The following PPFIA1 variants were observed in gnomAD, a reference collection of about 807,000 sequenced individuals.
PPFIA1 encodes liprin-alpha-1.
A neutral mutation model predicts 149.9 loss-of-function variants in PPFIA1; 25 were observed. That is an observed-to-expected ratio of 0.17 (90% CI 0.12 to 0.23). PPFIA1 has a LOEUF of 0.23. PPFIA1 is among the 10% of genes least tolerant of loss of function. PPFIA1 has a pLI of 1.00. For synonymous variants in PPFIA1, 549 were observed against 552.8 expected (o/e 0.99, Z 0.10); for missense variants, 1,362 against 1,506.5 (o/e 0.90, Z 1.59).
chr11:70,350,683 T>C (rs2137265895), intron 16 of PPFIA1, among the ~76,000 whole-genome samples: 2 of 152,332 alleles, frequency 1.3e-5, no homozygotes, highest in East Asian at 1.9e-4. Context: ...AACTAAGTTA[T>C]AGAGAGGTTT....
chr11:70,325,075 G>A (rs1448541012), intron 4 of PPFIA1, 64 bp downstream of exon 4: 1 of 1,438,160 alleles, frequency 7.0e-7, no homozygotes, highest in Admixed American at 2.6e-5. Context: ...CTTCACAAGT[G>A]TTGGTGTAAC....
At chr11:70,305,073 GAC>G (rs2136413394) in intron 2 of PPFIA1, among the ~76,000 whole-genome samples, 1 of 152,304 alleles carries the variant, frequency 6.6e-6, no homozygotes, top group South Asian at 2.1e-4. Flanking sequence ...GTTTGTGAGT[GAC>G]AGAGTGGCAG....
chr11:70,328,996 A>G (rs1365925274), intron 7 of PPFIA1, among the ~76,000 whole-genome samples: 1 of 152,230 alleles, frequency 6.6e-6, no homozygotes, highest in Non-Finnish European at 1.5e-5. Flanking sequence ...TATAGTAATC[A>G]TCTTGTAGAC....
At chr11:70,303,977 G>C (rs950732378) in intron 2 of PPFIA1, among the ~76,000 whole-genome samples, 1 of 152,126 alleles carries the variant, frequency 6.6e-6, no homozygotes, top group Non-Finnish European at 1.5e-5. Flanking sequence ...CTGCACTCCA[G>C]CCTGGGAGAT....
At chr11:70,340,148 A>G (rs2055232499) in intron 14 of PPFIA1, among the ~76,000 whole-genome samples, 1 of 151,954 alleles carries the variant, frequency 6.6e-6, no homozygotes, top group Non-Finnish European at 1.5e-5. Flanking sequence ...AAAAAAAAAA[A>G]AAGAAAAAAT....
chr11:70,295,740 C>A (rs1454015221), intron 2 of PPFIA1, among the ~76,000 whole-genome samples: 1 of 149,126 alleles, frequency 6.7e-6, no homozygotes, highest in Non-Finnish European at 1.5e-5. Flanking sequence ...AGGGGGCTGA[C>A]CCCCCCACCT....
At chr11:70,367,489 C>CT (rs1365889671) in intron 21 of PPFIA1, 1 of 455,800 alleles carries the variant, frequency 2.2e-6, no homozygotes, top group African/African-American at 2.0e-5. Context: ...GTTCATAAGA[C>CT]TGGGTTGTAC....
chr11:70,295,152 C>T lies in PPFIA1; in HGVS notation c.264+22716C>T, dbSNP rs1322250730. Among the ~76,000 whole-genome samples, 283 of 151,352 alleles carry T rather than the reference C, an allele frequency of 1.9e-3. 8 individuals carry two copies. Among genetic ancestry groups the T allele is most frequent in the African/African-American group, 6.5e-3 (269 of 41,192 alleles). ...GCGGCCGGGCAGAGGCGCTCCTCACCTCCTGGGTGGGGCGGCTGGCCGGGC... is the reference window on the plus strand; with the variant it reads ...GCGGCCGGGCAGAGGCGCTCCTCACTTCCTGGGTGGGGCGGCTGGCCGGGC... On this transcript the variant is annotated intron_variant, in intron 2 of 27. Coordinates refer to ENST00000253925, the MANE Select transcript of PPFIA1 (RefSeq NM_003626.5).
intron 15 of PPFIA1, among the ~76,000 whole-genome samples, chr11:70,345,690 G>A (rs2055647697): frequency 6.6e-6 from 1 of 152,122 alleles, no homozygotes; most frequent in Non-Finnish European, 1.5e-5. Flanking sequence ...AGCCAGGTAT[G>A]GTAGTGCATA....
In PPFIA1 at chr11:70,331,755, G is replaced by A. The variant is rs372186469; in HGVS notation, c.1078-205G>A. ...AGATTGTGCCACTGCACTCCAGCCTGGGTGACAAAGCGAGACTATGTCTCA... is the reference window on the plus strand; with the variant it reads ...AGATTGTGCCACTGCACTCCAGCCTAGGTGACAAAGCGAGACTATGTCTCA... On this transcript the variant is annotated intron_variant, in intron 8 of 27. Transcript: ENST00000253925. Among the ~76,000 whole-genome samples, 5 of 152,092 alleles carry A rather than the reference G, an allele frequency of 3.3e-5. No individual in the cohort carries two copies. In the East Asian group the frequency reaches 9.6e-4, roughly 29 times the overall value.
Position 70,326,453 on chromosome 11 carries a change from G to A in PPFIA1, c.708+90G>A, listed in dbSNP as rs537128844. ...TGTGGAAAACAGTTGCTAAAGTACC[G>A]GCTTAGAGCTGAAGTGGTCATGAAA... On this transcript the variant is annotated intron_variant, in intron 6 of 27. Transcript: ENST00000253925. 28 of 1,325,622 alleles carry A rather than the reference G, an allele frequency of 2.1e-5. 1 individual carries two copies. The highest frequency in any genetic ancestry group is 1.9e-4 in the Middle Eastern group (1 of 5,370). 82.1% of individuals were successfully genotyped at this position (1,325,622 alleles called of 1,614,324 possible). A position where few individuals can be genotyped will look rare whatever the true frequency, so the allele number is the denominator to read the frequency against.
intron 13 of PPFIA1, among the ~76,000 whole-genome samples, 185 bp from the exon 14 acceptor site, chr11:70,338,986 G>A (rs563536653): frequency 1.3e-5 from 2 of 152,370 alleles, no homozygotes; most frequent in African/African-American, 4.8e-5. Flanking sequence ...GTAGGGCTGA[G>A]AGACTAAAAC....
intron 7 of PPFIA1, among the ~76,000 whole-genome samples, chr11:70,328,689 C>A (rs894161060): frequency 1.3e-5 from 2 of 152,132 alleles, no homozygotes; most frequent in African/African-American, 4.8e-5. Context: ...TACCCTCCCA[C>A]CAAGAGCAGG....
At chr11:70,366,945 C>T (rs1057248289) in intron 21 of PPFIA1, among the ~76,000 whole-genome samples, 2 of 152,082 alleles carry the variant, frequency 1.3e-5, no homozygotes, top group African/African-American at 2.4e-5. Flanking sequence ...TGCCTCTCCT[C>T]CAGATAAATA....
chr11:70,326,227 G>T (rs757214242), intron 5 of PPFIA1, 35 bp from the exon 6 acceptor site: 33 of 1,203,884 alleles, frequency 2.7e-5, no homozygotes, highest in Non-Finnish European at 3.6e-5. Flanking sequence ...CTTATGTAAG[G>T]TATTTTACAC....
chr11:70,378,063 T>C lies in PPFIA1; in HGVS notation c.3418T>C (p.Trp1140Arg). 1 of 1,613,866 alleles carries C rather than the reference T, an allele frequency of 6.2e-7. No homozygotes were observed. Among genetic ancestry groups the C allele is most frequent in the Non-Finnish European group, 8.5e-7 (1 of 1,179,860 alleles). The stretch of plus-strand genomic sequence containing the variant: ...TAAAAGCTTTAGGAGAGCACCTTCA[T>C]GGAGAAAAAAGTTTAGACCAAAGGA... ...DDKSFRRAPS[W>R]RKKFRPKDIR... The change falls in exon 26 of 28, where the codon TGG becomes CGG. Residue 1140 changes from tryptophan to arginine, a missense_variant. By Grantham distance (101) the Trp-to-Arg change is moderately radical. Coordinates refer to ENST00000253925, the MANE Select transcript of PPFIA1 (RefSeq NM_003626.5).
At chr11:70,308,568 T>G (rs182367481) in intron 2 of PPFIA1, among the ~76,000 whole-genome samples, 1 of 152,364 alleles carries the variant, frequency 6.6e-6, no homozygotes, top group East Asian at 1.9e-4. Context: ...GGATGTCATA[T>G]GTTTGTATTT....
intron 2 of PPFIA1, among the ~76,000 whole-genome samples, chr11:70,298,106 T>C (rs775698711): frequency 1.1e-4 from 17 of 152,220 alleles, no homozygotes; most frequent in Non-Finnish European, 2.1e-4. Flanking sequence ...AGAACACATA[T>C]TGAATGAAAA....
intron 24 of PPFIA1, among the ~76,000 whole-genome samples, chr11:70,375,801 GA>G (rs112607936): frequency 0.23 from 27,958 of 121,956 alleles, 2,692 homozygotes; most frequent in South Asian, 0.31. Flanking sequence ...AAAGAAAAAG[GA>G]AAAAAAAAAA....
Sources: allele counts gnomAD v4.1 joint callset (sites outside exome capture counted in the v4.1 genomes callset), GRCh38; gene constraint gnomAD v4.1.1; transcripts MANE v1.5; gene names NCBI Gene and HGNC (gene_info 2026-07-23, HGNC 2026-07-21).